The following SELENOW variants were observed in gnomAD, a reference collection of about 807,000 sequenced individuals.
The protein encoded by SELENOW is selenoprotein W, also known as selenoprotein W, 1.
Under a neutral mutation model 16.6 loss-of-function variants are expected in SELENOW, and 20 were observed. That is an observed-to-expected ratio of 1.21 (90% CI 0.85 to 1.76). The LOEUF is 1.76. Among genes scored for constraint, SELENOW ranks in the 40% most tolerant of loss-of-function variants. SELENOW has a pLI of 0.00. For missense variants in SELENOW, 124 were observed against 111.0 expected (o/e 1.12, Z -0.53); for synonymous variants, 44 against 46.2 (o/e 0.95, Z 0.19).
Position 47,780,109 on chromosome 19 carries a change from G to A in SELENOW, c.30-616G>A, listed in dbSNP as rs574520231. Reference sequence around the variant, plus strand: ...ACCCTGGGGACTGGGAAGGTGTTCAGAATCTAGGAGCTGCGGGGCCGGGTG... The same window carrying A: ...ACCCTGGGGACTGGGAAGGTGTTCAAAATCTAGGAGCTGCGGGGCCGGGTG... On this transcript the variant is annotated intron_variant, in intron 1 of 5. Transcript: ENST00000601048. The A allele has an allele frequency of 6.6e-6, 3 of 456,086 alleles. No homozygotes were observed. The East Asian group carries it at 2.1e-4, about 32-fold the overall frequency. 28.3% of individuals were successfully genotyped at this position (456,086 alleles called of 1,614,324 possible).
chr19:47,779,799 ACT>A (rs1313591669), intron 1 of SELENOW: 1 of 177,638 alleles, frequency 5.6e-6, no homozygotes, highest in East Asian at 1.6e-4. Context: ...GCAGAGCGAG[ACT>A]CTGTCTCAAA....
Position 47,784,571 on chromosome 19 carries a change from C to T in SELENOW, c.*300C>T, listed in dbSNP as rs1459504993. 1 of 152,234 alleles carries T rather than the reference C, an allele frequency of 6.6e-6. No homozygotes were observed. The highest frequency in any genetic ancestry group is 1.5e-5 in the Non-Finnish European group (1 of 68,046). The allele number at this position is 152,234 out of a possible 1,614,324, so 9.4% of individuals were successfully genotyped here. ...CCTGGAGTTTGGGGGGACATCCCGC[C>T]TCAGGCATCCTTCTCAAGGGGAAGC... On this transcript the variant is annotated 3_prime_UTR_variant, in exon 6 of 6. Coordinates refer to ENST00000601048, the MANE Select transcript of SELENOW (RefSeq NM_003009.4).
Position 47,778,915 on chromosome 19 carries a change from T to A in SELENOW, c.29+101T>A, listed in dbSNP as rs1862485. ...CCGGGGAGAGGACCCATGGGAGCCCTTGTATGGGAAAAGGGAGCCCCTGTA... is the reference window on the plus strand; with the variant it reads ...CCGGGGAGAGGACCCATGGGAGCCCATGTATGGGAAAAGGGAGCCCCTGTA... On this transcript the variant is annotated intron_variant, in intron 1 of 5. Transcript: ENST00000601048. 1,465 of 1,214,886 alleles carry A rather than the reference T, an allele frequency of 1.2e-3. 15 individuals carry two copies. In the African/African-American group the frequency reaches 0.02, roughly 17 times the overall value. The allele number at this position is 1,214,886 out of a possible 1,614,324, so 75.3% of individuals were successfully genotyped here. A position where few individuals can be genotyped will look rare whatever the true frequency, so the allele number is the denominator to read the frequency against.
At chr19:47,780,032 A>G in intron 1 of SELENOW, 1 of 414,626 alleles carries the variant, frequency 2.4e-6, no homozygotes, top group Non-Finnish European at 5.0e-6. Flanking sequence ...CCTGTACACC[A>G]GATTCCAGTC....
At position 47,780,908 on chromosome 19, in the gene SELENOW, C is replaced by T. The variant is rs565626627; in HGVS notation, c.99C>T (p.Arg33=). ...KKKLEDEFPG[R]LDICGEGTPQ... ...AGTTAGAAGATGAGTTCCCCGGCCGCCTGGACATCGTGAGTCTTGGGATGG... is the reference window on the plus strand; with the variant it reads ...AGTTAGAAGATGAGTTCCCCGGCCGTCTGGACATCGTGAGTCTTGGGATGG... The change falls in exon 3 of 6, where the codon CGC becomes CGT. Residue 33 remains arginine (R), a synonymous_variant. Coordinates refer to ENST00000601048, the MANE Select transcript of SELENOW (RefSeq NM_003009.4). The T allele has an allele frequency of 2.5e-6, 4 of 1,613,470 alleles. No individual in the cohort carries two copies. The highest frequency in any genetic ancestry group is 1.7e-5 in the Admixed American group (1 of 59,902).
At chr19:47,780,242 T>C in intron 1 of SELENOW, 1 of 375,376 alleles carries the variant, frequency 2.7e-6, no homozygotes, top group Non-Finnish European at 5.4e-6. Context: ...AATACAAAAA[T>C]TAGCTGGGCG....
At chr19:47,781,546 C>G in intron 5 of SELENOW, 158 bp downstream of exon 5, 1 of 613,416 alleles carries the variant, frequency 1.6e-6, no homozygotes, top group Non-Finnish European at 2.9e-6. Context: ...TGGTGGAGGA[C>G]AACAACTGAG....
intron 1 of SELENOW, chr19:47,780,075 C>T (rs1967454479): frequency 8.8e-6 from 4 of 453,832 alleles, no homozygotes; most frequent in South Asian, 4.7e-5. Flanking sequence ...TTGGGTGAGC[C>T]TGTATTTCAC....
In SELENOW at chr19:47,780,917, C is replaced by T. The variant is rs759329555; in HGVS notation, c.108C>T (p.Ile36=). 6.8e-6 allele frequency: 11 copies of T among 1,613,248 alleles called. No homozygotes were observed. In the East Asian group the frequency reaches 8.9e-5, roughly 13 times the overall value. ...ATGAGTTCCCCGGCCGCCTGGACAT[C>T]GTGAGTCTTGGGATGGGGAGAAAGA... ...LEDEFPGRLD[I]CGEGTPQATG... is the part of the protein sequence containing the mutation. Residue 36 remains isoleucine, a splice_region_variant and synonymous_variant, in exon 3 of 6, where the codon ATC becomes ATT. Transcript: ENST00000601048.
intron 5 of SELENOW, chr19:47,782,388 A>G (rs1282785101): frequency 6.6e-6 from 1 of 152,270 alleles, no homozygotes; most frequent in Non-Finnish European, 1.5e-5. Context: ...CATAGAGCCG[A>G]GAATGAAATA....
At chr19:47,779,992 C>T (rs1599935392) in intron 1 of SELENOW, 1 of 333,308 alleles carries the variant, frequency 3.0e-6, no homozygotes, top group East Asian at 8.0e-5. Context: ...AAAGCAGAGG[C>T]AAGAGTGACA....
rs1967443401 is a variant in SELENOW, at chr19:47,779,186, G to GGGT, written c.29+375_29+377dup. On this transcript the variant is annotated intron_variant, in intron 1 of 5. Coordinates refer to ENST00000601048, the MANE Select transcript of SELENOW (RefSeq NM_003009.4). ...TCCCCCAATATCCCGAACAGTCGCG[G>GGGT]GGTGGGGACAGTGAGAGCCCAGAAG... 3 of 241,028 alleles carry GGGT rather than the reference G, an allele frequency of 1.2e-5. No individual in the cohort carries two copies. In the South Asian group the frequency reaches 3.0e-4, roughly 24 times the overall value. The allele number at this position is 241,028 out of a possible 1,614,324, so 14.9% of individuals were successfully genotyped here.
chr19:47,779,443 G>A (rs2123696165), intron 1 of SELENOW: 1 of 152,818 alleles, frequency 6.5e-6, no homozygotes, highest in Middle Eastern at 3.4e-3. Context: ...CTAATACTGT[G>A]TGGCATGCTG....
chr19:47,779,846 C>G (rs972265726), intron 1 of SELENOW: 36 of 177,820 alleles, frequency 2.0e-4, no homozygotes, highest in Non-Finnish European at 3.7e-4. Context: ...AATTTTAGTT[C>G]TATGTTACAG....
In SELENOW at chr19:47,778,891, C is replaced by G. The variant is rs952646635; in HGVS notation, c.29+77C>G. 102 of 1,449,282 alleles carry G rather than the reference C, an allele frequency of 7.0e-5. No homozygotes were observed. The Middle Eastern group carries it at 9.0e-4, about 13-fold the overall frequency. The allele number at this position is 1,449,282 out of a possible 1,614,324, so 89.8% of individuals were successfully genotyped here. ...TCTCGGAGCCGGGGTCAGGGAGCCC[C>G]GGGGAGAGGACCCATGGGAGCCCTT... On this transcript the variant is annotated intron_variant, in intron 1 of 5. Coordinates refer to ENST00000601048, the MANE Select transcript of SELENOW (RefSeq NM_003009.4).
Position 47,778,820 on chromosome 19 carries a change from C to CGCAACGG in SELENOW, c.29+6_29+7insGCAACGG, listed in dbSNP as rs111841672. The CGCAACGG allele has an allele frequency of 6.9e-6, 11 of 1,601,992 alleles. No individual in the cohort carries two copies. Among genetic ancestry groups the CGCAACGG allele is most frequent in the Non-Finnish European group, 9.4e-6 (11 of 1,174,586 alleles). On this transcript the variant is annotated splice_region_variant and intron_variant, in intron 1 of 5. Coordinates refer to ENST00000601048, the MANE Select transcript of SELENOW (RefSeq NM_003009.4). ...GCCGTCCGAGTCGTTTATTGGTAAG[C>CGCAACGG]CCAGCGGCCAGCGGCCCCCGTCCCC... is the stretch of plus-strand genomic sequence containing the variant.
At chr19:47,780,780 C>T (rs1021862728) in intron 2 of SELENOW, 31 bp downstream of exon 2, 12 of 1,585,820 alleles carry the variant, frequency 7.6e-6, no homozygotes, top group Non-Finnish European at 1.0e-5. Context: ...GGGGGCATTC[C>T]TGGGAGCTGG....
At position 47,780,737 on chromosome 19, in the gene SELENOW, C is replaced by G. The variant is rs1309818204; in HGVS notation, c.42C>G (p.Gly14=). 6.4e-7 allele frequency: 1 copy of G among 1,564,196 alleles called. No homozygotes were observed. ...ACTCTCCTACCAGTGGCGCTTGAGG[C>G]TACAAGTCCAAGGTAAGCAGAGTGG... ...AVRVVYCGAU[G]YKSKYLQLKK... is the part of the protein sequence containing the mutation. The change falls in exon 2 of 6, where the codon GGC becomes GGG. Residue 14 remains glycine (G), a synonymous_variant. Coordinates refer to ENST00000601048, the MANE Select transcript of SELENOW (RefSeq NM_003009.4).
rs200297527 is a variant in SELENOW, at chr19:47,781,097, C to T, written c.109-11C>T. 3.1e-6 allele frequency: 5 copies of T among 1,612,972 alleles called. No individual in the cohort carries two copies. The highest frequency in any genetic ancestry group is 1.3e-5 in the African/African-American group (1 of 74,878). On this transcript the variant is annotated splice_polypyrimidine_tract_variant and intron_variant, in intron 3 of 5. Transcript: ENST00000601048. ...AGCCCCTCCAACATCTCCCCTACCCCCTTTCCTCAGTGCGGCGAGGGAACT... is the reference window on the plus strand; with the variant it reads ...AGCCCCTCCAACATCTCCCCTACCCTCTTTCCTCAGTGCGGCGAGGGAACT...
Sources: gnomAD v4.1 joint callset for allele counts on GRCh38, gnomAD v4.1.1 for gene constraint, MANE v1.5 for transcripts, NCBI Gene and HGNC (gene_info 2026-07-23, HGNC 2026-07-21) for gene names.